The following RPS6KA3 variants were observed in gnomAD, a reference collection of about 807,000 sequenced individuals.
RPS6KA3 encodes ribosomal protein S6 kinase alpha-3.
In RPS6KA3, 4 loss-of-function variants were observed where a neutral mutation model predicts 67.2. That is an observed-to-expected ratio of 0.06 (90% CI 0.03 to 0.14). The LOEUF (loss-of-function observed/expected upper bound fraction) is 0.14. Among genes scored for constraint, RPS6KA3 ranks in the 10% least tolerant of loss-of-function variants. RPS6KA3 has a pLI of 1.00. For missense variants in RPS6KA3, 204 were observed against 559.0 expected, an observed-to-expected ratio of 0.36 and a Z score of 6.40; for synonymous variants, 182 against 183.7, an observed-to-expected ratio of 0.99 and a Z score of 0.07.
At chrX:20,256,566 T>C (rs1487992982) in intron 1 of RPS6KA3, among the ~76,000 whole-genome samples, 1 of 112,206 alleles carries the variant, frequency 8.9e-6, no homozygotes, top group African/African-American at 3.2e-5. Context: ...TTGTTTTATT[T>C]GTAAGACAGC....
chrX:20,184,006 C>T (rs1210997393), intron 10 of RPS6KA3, among the ~76,000 whole-genome samples: 1 of 112,391 alleles, frequency 8.9e-6, no homozygotes, highest in African/African-American at 3.2e-5. Flanking sequence ...ATCTTGGGTA[C>T]ACTGGGTTAA....
Position 20,150,764 on chromosome X carries a change from A to C in RPS6KA3, c.*4634T>G, listed in dbSNP as rs1168929705. ...TCTCATATACGTTTACATATACTCTACTCATGGTATGTGCTCTAAGGAGGT... is the reference window on the plus strand; with the variant it reads ...TCTCATATACGTTTACATATACTCTCCTCATGGTATGTGCTCTAAGGAGGT... On this transcript the variant is annotated 3_prime_UTR_variant, in exon 22 of 22. Transcript: ENST00000379565. 1 of 112,038 alleles carries C rather than the reference A, an allele frequency of 8.9e-6. No individual in the cohort carries two copies. Among genetic ancestry groups the C allele is most frequent in the African/African-American group, 3.3e-5 (1 of 30,727 alleles). 9.2% of individuals were successfully genotyped at this position (112,038 alleles called of 1,213,427 possible).
Position 20,266,851 on chromosome X carries a change from G to T in RPS6KA3, c.-219C>A. On this transcript the variant is annotated 5_prime_UTR_variant, in exon 1 of 22. Coordinates refer to ENST00000379565, the MANE Select transcript of RPS6KA3 (RefSeq NM_004586.3). ...GAAAGCCGCGCGCCTGGCCAGAGAC[G>T]CCCGCGCGCTGAGCGAGAGCCTCGC... The T allele has an allele frequency of 9.5e-6, 4 of 419,521 alleles. No individual in the cohort carries two copies. Among genetic ancestry groups the T allele is most frequent in the Non-Finnish European group, 1.2e-5 (4 of 333,027 alleles). The allele number at this position is 419,521 out of a possible 1,213,427, so 34.6% of individuals were successfully genotyped here. A position where few individuals can be genotyped will look rare whatever the true frequency, so the allele number is the denominator to read the frequency against.
chrX:20,221,523 T>A (rs957442004), intron 2 of RPS6KA3, among the ~76,000 whole-genome samples: 2 of 111,987 alleles, frequency 1.8e-5, no homozygotes, highest in Non-Finnish European at 3.8e-5. Flanking sequence ...CTACACATAG[T>A]ATCACTTTTT....
intron 7 of RPS6KA3, among the ~76,000 whole-genome samples, chrX:20,190,276 G>C (rs1266914822): frequency 9.0e-6 from 1 of 111,480 alleles, no homozygotes; most frequent in African/African-American, 3.3e-5. Flanking sequence ...CAGAGTTCTA[G>C]TTTAAAAGAA....
chrX:20,172,765 T>C lies in RPS6KA3; in HGVS notation c.1334A>G (p.Asn445Ser), dbSNP rs1555931252. ...VCKRCIHKAT[N>S]MEFAVKIIDK... Reference sequence around the variant, plus strand: ...ATTTACCTTCACTGCAAACTCCATGTTTGTAGCTTTATGTATACATCTCTT... The same window carrying C: ...ATTTACCTTCACTGCAAACTCCATGCTTGTAGCTTTATGTATACATCTCTT... Residue 445 changes from asparagine (N) to serine (S), a missense_variant, in exon 15 of 22, where the codon AAC (asparagine) becomes AGC (serine). Around this residue, in one of 4 missense-constraint regions of RPS6KA3, gnomAD observed 73 missense variants for 241.1 expected, o/e 0.30. Transcript: ENST00000379565. 5.0e-6 allele frequency: 6 copies of C among 1,202,739 alleles called. No individual in the cohort carries two copies. Among genetic ancestry groups the C allele is most frequent in the Non-Finnish European group, 5.6e-6 (5 of 888,992 alleles).
At chrX:20,255,390 C>G (rs12556396) in intron 1 of RPS6KA3, among the ~76,000 whole-genome samples, 1 of 111,347 alleles carries the variant, frequency 9.0e-6, no homozygotes, top group Non-Finnish European at 1.9e-5. Flanking sequence ...TGAAAATGTT[C>G]TAGGAAATAG....
At chrX:20,228,712 A>C (rs1409490609) in intron 2 of RPS6KA3, among the ~76,000 whole-genome samples, 3 of 111,459 alleles carry the variant, frequency 2.7e-5, no homozygotes, top group Non-Finnish European at 5.7e-5. Context: ...GGGGGCCTTG[A>C]ATAAGACTTG....
At chrX:20,207,061 G>C (rs936093009) in intron 3 of RPS6KA3, among the ~76,000 whole-genome samples, 2 of 112,107 alleles carry the variant, frequency 1.8e-5, no homozygotes, top group African/African-American at 6.5e-5. Flanking sequence ...GAGGGGTAGA[G>C]TAAAAGATTA....
Position 20,246,122 on chromosome X carries a change from G to GA in RPS6KA3, c.70-11309dup, listed in dbSNP as rs5901672. On this transcript the variant is annotated intron_variant, in intron 1 of 21. Transcript: ENST00000379565. ...AATGGCATGACTCCATCTCGGAAAAGAAAAAAAAAAAAAAAAAAAAAGGGA... is the reference window on the plus strand; with the variant it reads ...AATGGCATGACTCCATCTCGGAAAAGAAAAAAAAAAAAAAAAAAAAAAGGGA... Among the ~76,000 whole-genome samples, 306 of 52,789 alleles carry GA rather than the reference G, an allele frequency of 5.8e-3. 10 individuals are homozygous for GA. In the South Asian group the frequency reaches 0.17, roughly 29 times the overall value. 45.8% of individuals were successfully genotyped at this position (52,789 alleles called of 115,157 possible).
chrX:20,227,377 G>A (rs773957060), intron 2 of RPS6KA3, among the ~76,000 whole-genome samples: 3 of 111,592 alleles, frequency 2.7e-5, no homozygotes, highest in East Asian at 5.6e-4. Flanking sequence ...ATTTTCCAGC[G>A]ACTTCCCAAA....
At chrX:20,264,109 T>C (rs1012068916) in intron 1 of RPS6KA3, among the ~76,000 whole-genome samples, 9 of 112,245 alleles carry the variant, frequency 8.0e-5, no homozygotes, top group African/African-American at 2.9e-4. Flanking sequence ...CCAAATTGTA[T>C]CAGAAGTAAT....
At chrX:20,196,334 A>G (rs763422580) in intron 4 of RPS6KA3, among the ~76,000 whole-genome samples, 1 of 113,243 alleles carries the variant, frequency 8.8e-6, no homozygotes, top group African/African-American at 3.2e-5. Flanking sequence ...CAGCAACCAA[A>G]TATTTCCTGA....
At chrX:20,160,932 T>C (rs988800178) in intron 20 of RPS6KA3, among the ~76,000 whole-genome samples, 2 of 110,878 alleles carry the variant, frequency 1.8e-5, no homozygotes, top group African/African-American at 6.7e-5. Flanking sequence ...CCTCTTTATC[T>C]ACTCTGTTTT....
At chrX:20,182,415 C>T (rs1395010125) in intron 10 of RPS6KA3, among the ~76,000 whole-genome samples, 1 of 111,506 alleles carries the variant, frequency 9.0e-6, no homozygotes, top group Non-Finnish European at 1.9e-5. Context: ...CATACTACAC[C>T]CATGCGCCAA....
At chrX:20,258,230 GT>G (rs764606967) in intron 1 of RPS6KA3, among the ~76,000 whole-genome samples, 1 of 111,984 alleles carries the variant, frequency 8.9e-6, no homozygotes, top group Admixed American at 9.5e-5. Context: ...CACATTTCAA[GT>G]GCTCAACAGC....
intron 1 of RPS6KA3, among the ~76,000 whole-genome samples, chrX:20,253,557 A>T (rs2069946838): frequency 9.0e-6 from 1 of 110,776 alleles, no homozygotes; most frequent in Non-Finnish European, 1.9e-5. Flanking sequence ...TTATGTCTAC[A>T]GTGTTTTCGC....
intron 20 of RPS6KA3, among the ~76,000 whole-genome samples, chrX:20,159,861 G>A (rs918369760): frequency 5.4e-5 from 6 of 111,492 alleles, no homozygotes; most frequent in African/African-American, 1.6e-4. Flanking sequence ...TCCTTAATAT[G>A]TGTTTTAACA....
intron 1 of RPS6KA3, among the ~76,000 whole-genome samples, chrX:20,255,489 A>G (rs184693421): frequency 3.4e-3 from 376 of 112,200 alleles, no homozygotes; most frequent in Middle Eastern, 0.023. Context: ...AAATATCTCA[A>G]TTAAAAAAGG....
Sources: gnomAD v4.1 joint callset for allele counts (sites outside exome capture counted in the v4.1 genomes callset) on GRCh38, gnomAD v4.1.1 for gene constraint, gnomAD v4.1.1 regional missense constraint, MANE v1.5 for transcripts, NCBI Gene and HGNC (gene_info 2026-07-23, HGNC 2026-07-21) for gene names.